Variants in NAALAD2 observed in about 807,000 individuals in gnomAD.
The protein encoded by NAALAD2 is N-acetylated-alpha-linked acidic dipeptidase 2.
NAALAD2 carries 89 observed loss-of-function variants against 95.6 expected under a neutral mutation model. The observed-to-expected ratio is 0.93, with a 90% CI of 0.78 to 1.11. NAALAD2 has a LOEUF of 1.11. Among genes scored for constraint, NAALAD2 ranks in the 50% least tolerant of loss-of-function variants. The pLI is 0.00. For synonymous variants in NAALAD2, 264 were observed against 294.4 expected, an observed-to-expected ratio of 0.90 and a Z score of 1.06; for missense variants, 894 against 872.4, an observed-to-expected ratio of 1.02 and a Z score of -0.31.
intron 2 of NAALAD2, among the ~76,000 whole-genome samples, chr11:90,136,693 T>A (rs1951461018): frequency 6.6e-6 from 1 of 152,050 alleles, no homozygotes. Context: ...GAAATTTGGG[T>A]TGATTATAGT....
chr11:90,180,670 A>ATAATG (rs1247489020), intron 16 of NAALAD2, among the ~76,000 whole-genome samples: 1 of 152,112 alleles, frequency 6.6e-6, no homozygotes, highest in African/African-American at 2.4e-5. Context: ...CAACAAATCA[A>ATAATG]TAATGTATGT....
At chr11:90,189,238 A>G (rs900481141) in intron 18 of NAALAD2, among the ~76,000 whole-genome samples, 17 of 152,172 alleles carry the variant, frequency 1.1e-4, no homozygotes, top group African/African-American at 4.1e-4. Context: ...CCAGGAAGGA[A>G]TGTGACCCTG....
intron 2 of NAALAD2, among the ~76,000 whole-genome samples, chr11:90,142,638 T>A (rs1280937442): frequency 6.6e-6 from 1 of 152,130 alleles, no homozygotes; most frequent in Non-Finnish European, 1.5e-5. Flanking sequence ...GTGGGCCGCA[T>A]ATAATAGATA....
At chr11:90,190,356 C>T (rs957835214) in intron 18 of NAALAD2, among the ~76,000 whole-genome samples, 1 of 152,164 alleles carries the variant, frequency 6.6e-6, no homozygotes, top group Non-Finnish European at 1.5e-5. Flanking sequence ...AACAGGCAGT[C>T]TCAGTCTACA....
Position 90,149,033 on chromosome 11 carries a change from C to T in NAALAD2, c.409C>T (p.Pro137Ser). The change falls in exon 4 of 19, where the codon CCA becomes TCA. Residue 137 changes from proline to serine, a missense_variant. Coordinates refer to ENST00000534061, the MANE Select transcript of NAALAD2 (RefSeq NM_005467.4). ...TTTCAAAACATCATACCTTGAACCA[C>T]CACCAGATGGCTATGAGAATGTTAC... Reference protein sequence around the residue: ...EIFKTSYLEPPPDGYENVTNI... With the variant: ...EIFKTSYLEPSPDGYENVTNI... The T allele has an allele frequency of 1.9e-6, 3 of 1,606,058 alleles. No individual in the cohort carries two copies. Among genetic ancestry groups the T allele is most frequent in the Admixed American group, 3.4e-5 (2 of 59,560 alleles).
chr11:90,181,520 G>C (rs1182028676), intron 16 of NAALAD2, 100 bp from the exon 17 acceptor site: 2 of 738,316 alleles, frequency 2.7e-6, no homozygotes, highest in Non-Finnish European at 4.7e-6. Context: ...AAATGGCTTC[G>C]ACATCTATGT....
At chr11:90,135,292 C>T in intron 1 of NAALAD2, 4 of 344,884 alleles carry the variant, frequency 1.2e-5, no homozygotes, top group Non-Finnish European at 1.6e-5. Context: ...GGAAGAACAA[C>T]AAAAGCCATG....
chr11:90,183,441 A>T (rs1406637879), intron 18 of NAALAD2, among the ~76,000 whole-genome samples: 1 of 152,218 alleles, frequency 6.6e-6, no homozygotes, highest in Non-Finnish European at 1.5e-5. Context: ...AGTTTTCTTC[A>T]TAAAGATTTA....
rs1565555417 is a variant in NAALAD2 at position 90,190,204 on chromosome 11, A to T, written c.2034-1354A>T. 2.0e-5 allele frequency among the ~76,000 whole-genome samples: 3 copies of T among 151,624 alleles called. No homozygotes were observed. In the East Asian group the frequency reaches 5.8e-4, roughly 29 times the overall value. On this transcript the variant is annotated intron_variant, in intron 18 of 18. Transcript: ENST00000534061. Reference sequence around the variant, plus strand: ...TTTCATCCAACATTTGATTCTCACAATTCTTTTAGAACAGTACTTTTATCA... The same window carrying T: ...TTTCATCCAACATTTGATTCTCACATTTCTTTTAGAACAGTACTTTTATCA...
intron 16 of NAALAD2, among the ~76,000 whole-genome samples, chr11:90,179,170 A>ATAT: frequency 6.6e-6 from 1 of 152,368 alleles, no homozygotes; most frequent in South Asian, 2.1e-4. Context: ...TGCTCATTAA[A>ATAT]TATTACCTAT....
chr11:90,175,440 C>CAT lies in NAALAD2; in HGVS notation c.1503-525_1503-524dup, dbSNP rs548990091. 1.7e-4 allele frequency among the ~76,000 whole-genome samples: 26 copies of CAT among 152,146 alleles called. No individual in the cohort carries two copies. In the East Asian group the frequency reaches 4.6e-3, roughly 27 times the overall value. ...GTCTTACATTTTATTTATGTATATG[C>CAT]ATATATATGTGATAGATCAACAGAG... On this transcript the variant is annotated intron_variant, in intron 14 of 18. Transcript: ENST00000534061.
chr11:90,136,872 C>A (rs1951464519), intron 2 of NAALAD2, among the ~76,000 whole-genome samples: 1 of 152,074 alleles, frequency 6.6e-6, no homozygotes, highest in East Asian at 1.9e-4. Flanking sequence ...TGCATTTCTA[C>A]CTCAAAATAA....
intron 6 of NAALAD2, among the ~76,000 whole-genome samples, chr11:90,155,437 ATAAT>A (rs1321514143): frequency 2.1e-5 from 2 of 93,690 alleles, no homozygotes; most frequent in African/African-American, 1.0e-4. Flanking sequence ...CATGTAATAT[ATAAT>A]ATATAATATG....
chr11:90,145,036 A>C (rs1355981651), intron 2 of NAALAD2, among the ~76,000 whole-genome samples: 1 of 152,102 alleles, frequency 6.6e-6, no homozygotes, highest in Non-Finnish European at 1.5e-5. Flanking sequence ...GAATCTCTTG[A>C]TTAGTCCATA....
chr11:90,181,236 AT>A (rs543107972), intron 16 of NAALAD2, among the ~76,000 whole-genome samples: 2,503 of 150,944 alleles, frequency 0.017, 55 homozygotes, highest in African/African-American at 0.056. Flanking sequence ...AAGAATTGGT[AT>A]TTTTTTTTGC....
intron 18 of NAALAD2, among the ~76,000 whole-genome samples, chr11:90,186,576 A>G (rs1224191014): frequency 1.3e-5 from 2 of 152,102 alleles, no homozygotes; most frequent in Non-Finnish European, 2.9e-5. Flanking sequence ...GGTATGGGGA[A>G]AGGATTCCCT....
rs1821340043 is a variant in NAALAD2, at chr11:90,177,836, C to T, written c.1594-17C>T. On this transcript the variant is annotated splice_polypyrimidine_tract_variant and intron_variant, in intron 15 of 18. Transcript: ENST00000534061. ...ATTTAATGTTTATTTATACTTGCCTCTCCATTTTTTTTTCAGAAAACAGAT... is the reference window on the plus strand; with the variant it reads ...ATTTAATGTTTATTTATACTTGCCTTTCCATTTTTTTTTCAGAAAACAGAT... The T allele has an allele frequency of 6.3e-7, 1 of 1,589,376 alleles. No homozygotes were observed. Among genetic ancestry groups the T allele is most frequent in the Non-Finnish European group, 8.5e-7 (1 of 1,170,230 alleles).
chr11:90,144,329 G>A (rs1343164757), intron 2 of NAALAD2, among the ~76,000 whole-genome samples: 1 of 152,118 alleles, frequency 6.6e-6, no homozygotes, highest in Non-Finnish European at 1.5e-5. Flanking sequence ...AGATATATTT[G>A]AAAGAGCCAG....
Position 90,178,181 on chromosome 11 carries a change from A to G in NAALAD2, c.1858+64A>G, listed in dbSNP as rs1952859643. On this transcript the variant is annotated intron_variant, in intron 16 of 18. Coordinates refer to ENST00000534061, the MANE Select transcript of NAALAD2 (RefSeq NM_005467.4). ...TTAGAGCTTTAAGATATTATCTCCT[A>G]TGATGATCAATGCATATTGTTTCAT... 20 of 1,453,968 alleles carry G rather than the reference A, an allele frequency of 1.4e-5. 1 individual carries two copies. The highest frequency in any genetic ancestry group is 4.0e-5 in the South Asian group (3 of 74,408). The allele number at this position is 1,453,968 out of a possible 1,614,324, so 90.1% of individuals were successfully genotyped here.
Sources: gnomAD v4.1 joint callset for allele counts (sites outside exome capture counted in the v4.1 genomes callset) on GRCh38, gnomAD v4.1.1 for gene constraint, MANE v1.5 for transcripts, NCBI Gene and HGNC (gene_info 2026-07-23, HGNC 2026-07-21) for gene names.